The following RAPGEF2 variants were observed in gnomAD, a reference collection of about 807,000 sequenced individuals.
RAPGEF2 encodes the protein PDZ domain containing guanine nucleotide exchange factor (GEF) 1.
Under a neutral mutation model 186.7 loss-of-function variants are expected in RAPGEF2, and 54 were observed. The ratio of observed to expected loss-of-function variants is 0.29; its 90% CI spans 0.23 to 0.36. The LOEUF (loss-of-function observed/expected upper bound fraction) is 0.36. RAPGEF2 is among the 10% of genes least tolerant of loss of function. The pLI, the probability that RAPGEF2 is intolerant of heterozygous loss-of-function variation, is 1.00. For synonymous variants in RAPGEF2, 712 were observed against 705.9 expected (o/e 1.01, Z -0.14); for missense variants, 1,532 against 2,045.0 (o/e 0.75, Z 4.84).
intron 9 of RAPGEF2, among the ~76,000 whole-genome samples, chr4:159,318,999 A>G (rs1036967147): frequency 6.6e-6 from 1 of 152,200 alleles, no homozygotes; most frequent in African/African-American, 2.4e-5. Flanking sequence ...TAAGAAATAC[A>G]AAAGAAAATT....
chr4:159,195,305 G>A (rs746005077), intron 3 of RAPGEF2, among the ~76,000 whole-genome samples: 5 of 152,174 alleles, frequency 3.3e-5, no homozygotes, highest in Admixed American at 6.5e-5. Flanking sequence ...AACAGGGATA[G>A]AGACATTTGA....
At chr4:159,213,373 A>G (rs1178916873) in intron 4 of RAPGEF2, among the ~76,000 whole-genome samples, 1 of 152,228 alleles carries the variant, frequency 6.6e-6, no homozygotes, top group African/African-American at 2.4e-5. Flanking sequence ...TCTTCACCCC[A>G]AGTTTTTATC....
Position 159,359,650 on chromosome 4 carries a change from A to G in RAPGEF2, c.*1511A>G, listed in dbSNP as rs1732510668. On this transcript the variant is annotated 3_prime_UTR_variant, in exon 30 of 30. Coordinates refer to ENST00000691494, the MANE Select transcript of RAPGEF2 (RefSeq NM_001394067.2). ...CTTCAAATTTTAAAAGTGGAATTGC[A>G]GTGTTTTTTCACTGTATCAAACAAT... is the stretch of plus-strand genomic sequence containing the variant. 2 of 152,204 alleles carry G rather than the reference A, an allele frequency of 1.3e-5. No homozygotes were observed. The highest frequency in any genetic ancestry group is 2.9e-5 in the Non-Finnish European group (2 of 68,030). 9.4% of individuals were successfully genotyped at this position (152,204 alleles called of 1,614,324 possible). A position where few individuals can be genotyped will look rare whatever the true frequency, so the allele number is the denominator to read the frequency against.
chr4:159,306,403 A>G (rs1436540000), intron 8 of RAPGEF2, among the ~76,000 whole-genome samples: 1 of 151,964 alleles, frequency 6.6e-6, no homozygotes, highest in Non-Finnish European at 1.5e-5. Context: ...TGCAAATGAG[A>G]TTGCTTTCTT....
intron 4 of RAPGEF2, among the ~76,000 whole-genome samples, chr4:159,214,245 A>G (rs1750795055): frequency 1.3e-5 from 2 of 152,322 alleles, no homozygotes; most frequent in South Asian, 4.1e-4. Flanking sequence ...TGTGTGCTGC[A>G]TAACTTTATG....
chr4:159,193,237 G>A lies in RAPGEF2; in HGVS notation c.178G>A (p.Ala60Thr). 6.7e-7 allele frequency: 1 copy of A among 1,501,614 alleles called. No homozygotes were observed. Among genetic ancestry groups the A allele is most frequent in the Non-Finnish European group, 8.9e-7 (1 of 1,129,552 alleles). The allele number at this position is 1,501,614 out of a possible 1,614,324, so 93.0% of individuals were successfully genotyped here. A position where few individuals can be genotyped will look rare whatever the true frequency, so the allele number is the denominator to read the frequency against. The change falls in exon 3 of 30, where the codon GCA becomes ACA. Residue 60 changes from alanine (A) to threonine (T), a missense_variant. Around this residue, in one of 4 missense-constraint regions of RAPGEF2, gnomAD observed 810 missense variants for 1,210.5 expected, o/e 0.67. Transcript: ENST00000691494. ...AACTGTGAGATATGAGAGACACGAA[G>A]CAAATGAAGTTTTATACTAGTAGGT... ...CETVRYERHEANEVLYYPDDI... is the reference protein window; with the variant it reads ...CETVRYERHETNEVLYYPDDI...
At chr4:159,274,787 T>C (rs1758615340) in intron 7 of RAPGEF2, among the ~76,000 whole-genome samples, 1 of 152,170 alleles carries the variant, frequency 6.6e-6, no homozygotes. Flanking sequence ...AGAAAAAATA[T>C]ATTAGGGAAT....
intron 7 of RAPGEF2, among the ~76,000 whole-genome samples, chr4:159,278,019 G>A (rs977855382): frequency 9.2e-5 from 14 of 152,128 alleles, no homozygotes; most frequent in South Asian, 2.1e-4. Context: ...AGTCCTTGCC[G>A]ATGCCTATGT....
intron 8 of RAPGEF2, among the ~76,000 whole-genome samples, chr4:159,308,706 G>A (rs578081201): frequency 6.6e-6 from 1 of 152,320 alleles, no homozygotes; most frequent in Non-Finnish European, 1.5e-5. Context: ...ATGGTGGGAA[G>A]AGAGGAATTC....
In RAPGEF2 at chr4:159,349,923, A is replaced by T. The variant is rs116321840; in HGVS notation, c.3713-214A>T. ...CAATATATTTCTGGTACTGTGGCAGATATCAGTCTGAAACCAAACTACGGG... is the reference window on the plus strand; with the variant it reads ...CAATATATTTCTGGTACTGTGGCAGTTATCAGTCTGAAACCAAACTACGGG... On this transcript the variant is annotated intron_variant, in intron 25 of 29. Transcript: ENST00000691494. Among the ~76,000 whole-genome samples the T allele has an allele frequency of 6.6e-3, 1,005 of 152,334 alleles. 7 individuals are homozygous for T. The highest frequency in any genetic ancestry group is 0.011 in the Non-Finnish European group (725 of 68,032).
chr4:159,273,836 G>T (rs1758500224), intron 7 of RAPGEF2, among the ~76,000 whole-genome samples: 1 of 151,988 alleles, frequency 6.6e-6, no homozygotes, highest in African/African-American at 2.4e-5. Flanking sequence ...TCTGTCGCCT[G>T]GGCTGGAGTG....
intron 4 of RAPGEF2, 109 bp from the exon 5 acceptor site, chr4:159,238,700 G>GT (rs2111465705): frequency 1.6e-6 from 1 of 641,666 alleles, no homozygotes; most frequent in East Asian, 3.1e-5. Context: ...TGTACTTTTT[G>GT]TAATTGTTTT....
At chr4:159,133,290 CTTG>C (rs1164236428) in intron 1 of RAPGEF2, among the ~76,000 whole-genome samples, 7 of 152,040 alleles carry the variant, frequency 4.6e-5, no homozygotes, top group Non-Finnish European at 7.4e-5. Flanking sequence ...TCTAATTTTG[CTTG>C]TTGTTGTAGA....
chr4:159,279,309 C>T (rs541753898), intron 7 of RAPGEF2, among the ~76,000 whole-genome samples: 4 of 152,350 alleles, frequency 2.6e-5, no homozygotes, highest in East Asian at 3.9e-4. Flanking sequence ...TGCATGCGCA[C>T]GCACAGGTCT....
rs191510504 is a variant in RAPGEF2 at position 159,161,543 on chromosome 4, A to G, written c.70-25099A>G. On this transcript the variant is annotated intron_variant, in intron 1 of 29. Coordinates refer to ENST00000691494, the MANE Select transcript of RAPGEF2 (RefSeq NM_001394067.2). ...ACATGGTGAAACCCTGTTTCTACCA[A>G]AAATACAAAAATTAGCCAGGTGTGG... Among the ~76,000 whole-genome samples, 56 of 152,204 alleles carry G rather than the reference A, an allele frequency of 3.7e-4. 1 individual carries two copies. Among genetic ancestry groups the G allele is most frequent in the Admixed American group, 3.4e-3 (52 of 15,294 alleles).
intron 25 of RAPGEF2, among the ~76,000 whole-genome samples, chr4:159,348,219 G>A (rs981055001): frequency 6.6e-5 from 7 of 106,778 alleles, no homozygotes; most frequent in Non-Finnish European, 1.1e-4. Context: ...AGACTCTGTC[G>A]ATAGATAGAT....
At chr4:159,154,073 A>T (rs895786497) in intron 1 of RAPGEF2, among the ~76,000 whole-genome samples, 1 of 152,192 alleles carries the variant, frequency 6.6e-6, no homozygotes, top group Non-Finnish European at 1.5e-5. Context: ...TGGTTTCCTT[A>T]TAAAATTAGG....
chr4:159,246,107 C>T (rs1267040608), intron 7 of RAPGEF2, among the ~76,000 whole-genome samples: 1 of 152,010 alleles, frequency 6.6e-6, no homozygotes, highest in Non-Finnish European at 1.5e-5. Context: ...ACTTATTGGT[C>T]GTGTAAAAGG....
At chr4:159,108,569 G>C (rs891320463) in intron 1 of RAPGEF2, among the ~76,000 whole-genome samples, 1 of 151,780 alleles carries the variant, frequency 6.6e-6, no homozygotes, top group African/African-American at 2.4e-5. Context: ...TATTGTTTGC[G>C]TCATAAGAAA....
Sources: gnomAD v4.1 joint callset for allele counts (sites outside exome capture counted in the v4.1 genomes callset) on GRCh38, gnomAD v4.1.1 for gene constraint, gnomAD v4.1.1 regional missense constraint, MANE v1.5 for transcripts, NCBI Gene and HGNC (gene_info 2026-07-23, HGNC 2026-07-21) for gene names.